TTC39C: variants seen among roughly 807,000 people sequenced by gnomAD.
TTC39C encodes tetratricopeptide repeat domain 39C, also known as tetratricopeptide repeat protein 39C.
TTC39C carries 33 observed loss-of-function variants against 76.3 expected under a neutral mutation model. The ratio of observed to expected loss-of-function variants is 0.43; its 90% CI spans 0.33 to 0.58. The LOEUF is 0.58. TTC39C is among the 20% of genes least tolerant of loss of function. The pLI is 0.04. For synonymous variants in TTC39C, 254 were observed against 260.6 expected (o/e 0.97, Z 0.24); for missense variants, 595 against 701.4 (o/e 0.85, Z 1.71).
At chr18:24,011,447 C>T (rs535809705), upstream of TTC39C, among the ~76,000 whole-genome samples, 39 of 152,276 alleles carry the variant, frequency 2.6e-4, no homozygotes, top group African/African-American at 7.7e-4. Context: ...CCAGGAGAGG[C>T]GGCCCTGTCT....
intron 1 of TTC39C, among the ~76,000 whole-genome samples, chr18:24,046,207 G>A (rs1169162696): frequency 6.6e-6 from 1 of 151,710 alleles, no homozygotes; most frequent in African/African-American, 2.4e-5. Context: ...CAAAGTGCTG[G>A]GATTACAGGC....
chr18:24,124,793 G>A (rs1039449256), intron 9 of TTC39C, among the ~76,000 whole-genome samples: 6 of 152,178 alleles, frequency 3.9e-5, no homozygotes, highest in South Asian at 4.1e-4. Context: ...GTGTAAGCCC[G>A]TTGAATTATT....
upstream of TTC39C, among the ~76,000 whole-genome samples, chr18:24,011,836 C>T (rs2145635382): frequency 6.6e-6 from 1 of 152,218 alleles, no homozygotes; most frequent in Middle Eastern, 3.4e-3. Flanking sequence ...CTCTCAACTT[C>T]CAAAGGAAAC....
intron 1 of TTC39C, among the ~76,000 whole-genome samples, chr18:24,008,578 T>G (rs1281021438): frequency 6.6e-6 from 1 of 152,264 alleles, no homozygotes; most frequent in Non-Finnish European, 1.5e-5. Flanking sequence ...GTGCCACTGT[T>G]GGTTGGAGTG....
intron 1 of TTC39C, among the ~76,000 whole-genome samples, chr18:24,007,160 T>G (rs2083360313): frequency 6.6e-6 from 1 of 152,168 alleles, no homozygotes; most frequent in South Asian, 2.1e-4. Flanking sequence ...AAAACATAAG[T>G]GACTTACCAA....
At chr18:23,999,492 C>T (rs892122788) in intron 1 of TTC39C, among the ~76,000 whole-genome samples, 3 of 152,226 alleles carry the variant, frequency 2.0e-5, no homozygotes, top group Non-Finnish European at 2.9e-5. Flanking sequence ...ATTCAACTCT[C>T]CCCCATTTTG....
intron 1 of TTC39C, among the ~76,000 whole-genome samples, chr18:23,997,674 GAAA>G (rs774733892): frequency 0.03 from 4,376 of 146,130 alleles, 115 homozygotes; most frequent in Middle Eastern, 0.056. Flanking sequence ...AAGAAAGAAA[GAAA>G]GAAAGAAAGA....
chr18:24,078,664 A>T (rs1342874568), intron 4 of TTC39C, among the ~76,000 whole-genome samples: 1 of 152,234 alleles, frequency 6.6e-6, no homozygotes, highest in Non-Finnish European at 1.5e-5. Flanking sequence ...ACGACAGCAC[A>T]AATGAAATGT....
At chr18:24,103,019 T>C (rs909717573) in intron 6 of TTC39C, among the ~76,000 whole-genome samples, 1 of 152,120 alleles carries the variant, frequency 6.6e-6, no homozygotes, top group South Asian at 2.1e-4. Context: ...GGAGGATCCC[T>C]GGAGCCTAGG....
At chr18:24,083,675 A>G (rs77380481) in intron 6 of TTC39C, among the ~76,000 whole-genome samples, 2,346 of 152,290 alleles carry the variant, frequency 0.015, 54 homozygotes, top group East Asian at 0.11. Flanking sequence ...AGAGGGCTTC[A>G]AGCAACTTCC....
At chr18:24,054,124 G>A (rs1260381991) in intron 1 of TTC39C, among the ~76,000 whole-genome samples, 1 of 152,136 alleles carries the variant, frequency 6.6e-6, no homozygotes, top group Non-Finnish European at 1.5e-5. Flanking sequence ...GTCTTGGGGA[G>A]TAACCTCATA....
intron 1 of TTC39C, chr18:24,015,265 C>G (rs2083440299): frequency 2.4e-6 from 1 of 409,752 alleles, no homozygotes; most frequent in Non-Finnish European, 4.3e-6. Flanking sequence ...CCGGGACCCG[C>G]CGCGCGCCCG....
At chr18:24,119,799 G>T (rs1277348508) in intron 8 of TTC39C, among the ~76,000 whole-genome samples, 2 of 152,202 alleles carry the variant, frequency 1.3e-5, no homozygotes, top group Admixed American at 1.3e-4. Flanking sequence ...AAGAGTGGAT[G>T]AATCCAGATT....
At chr18:24,022,139 T>C (rs4450486) in intron 1 of TTC39C, among the ~76,000 whole-genome samples, 36,635 of 152,072 alleles carry the variant, frequency 0.24, 5,118 homozygotes, top group East Asian at 0.62. Flanking sequence ...GTAGGTGATA[T>C]GCAAATACTG....
intron 1 of TTC39C, among the ~76,000 whole-genome samples, chr18:23,999,693 T>C (rs968156304): frequency 6.6e-6 from 1 of 152,156 alleles, no homozygotes; most frequent in African/African-American, 2.4e-5. Context: ...CTCTCAGCCC[T>C]CACCCTGTGG....
At chr18:23,994,970 T>C (rs758021191) in intron 1 of TTC39C, among the ~76,000 whole-genome samples, 19 of 152,152 alleles carry the variant, frequency 1.2e-4, no homozygotes, top group African/African-American at 4.1e-4. Flanking sequence ...CACCATGAAA[T>C]TGACTTTGGT....
chr18:24,031,943 C>T (rs922262235), intron 1 of TTC39C, among the ~76,000 whole-genome samples: 3 of 152,088 alleles, frequency 2.0e-5, no homozygotes, highest in African/African-American at 7.2e-5. Context: ...TAAATGCAAT[C>T]ACATGTATCC....
At chr18:24,086,627 C>T (rs2084442793) in intron 6 of TTC39C, among the ~76,000 whole-genome samples, 1 of 152,204 alleles carries the variant, frequency 6.6e-6, no homozygotes, top group Admixed American at 6.5e-5. Context: ...GCACAGGATC[C>T]TCTTTGCCAA....
At chr18:24,022,078 A>G (rs2083523660) in intron 1 of TTC39C, among the ~76,000 whole-genome samples, 1 of 152,218 alleles carries the variant, frequency 6.6e-6, no homozygotes, top group Non-Finnish European at 1.5e-5. Flanking sequence ...ATGTAAACAC[A>G]TAATGATAAA....
Sources: allele counts gnomAD v4.1 joint callset (sites outside exome capture counted in the v4.1 genomes callset), GRCh38; gene constraint gnomAD v4.1.1; transcripts MANE v1.5; gene names NCBI Gene and HGNC (gene_info 2026-07-23, HGNC 2026-07-21).